The following DIS3L2 variants were observed in gnomAD, a reference collection of about 807,000 sequenced individuals.
DIS3L2 encodes DIS3-like exonuclease 2.
A neutral mutation model predicts 97.5 loss-of-function variants in DIS3L2; 34 were observed. The ratio of observed to expected loss-of-function variants is 0.35; its 90% CI spans 0.27 to 0.46. DIS3L2 has a LOEUF of 0.46. Ranked by LOEUF, DIS3L2 falls within the 20% of genes least tolerant of loss-of-function variation. The pLI, the probability that DIS3L2 is intolerant of heterozygous loss-of-function variation, is 1.00. For synonymous variants in DIS3L2, 435 were observed against 445.2 expected (o/e 0.98, Z 0.29); for missense variants, 1,038 against 1,146.0 (o/e 0.91, Z 1.36).
chr2:232,228,112 A>C (rs1268244014), intron 10 of DIS3L2, among the ~76,000 whole-genome samples: 1 of 152,054 alleles, frequency 6.6e-6, no homozygotes, highest in African/African-American at 2.4e-5. Flanking sequence ...GATTACAGGC[A>C]TGCACCACCA....
downstream of DIS3L2, chr2:232,339,809 T>A: frequency 2.3e-6 from 1 of 439,562 alleles, no homozygotes; most frequent in South Asian, 1.6e-5. Flanking sequence ...CTGCCCGGCA[T>A]AGAACTCCGT....
chr2:232,071,367 G>T (rs951355423), intron 5 of DIS3L2, among the ~76,000 whole-genome samples: 2 of 151,808 alleles, frequency 1.3e-5, no homozygotes, highest in African/African-American at 2.4e-5. Flanking sequence ...AAAAAATAAA[G>T]AAAAGGTAGC....
chr2:232,184,217 C>G (rs1311170991), intron 9 of DIS3L2, among the ~76,000 whole-genome samples: 1 of 152,188 alleles, frequency 6.6e-6, no homozygotes, highest in Non-Finnish European at 1.5e-5. Flanking sequence ...GAGGCCTCTA[C>G]TTTGCGAGTC....
At chr2:232,272,635 T>A (rs1694036970) in intron 13 of DIS3L2, among the ~76,000 whole-genome samples, 1 of 152,226 alleles carries the variant, frequency 6.6e-6, no homozygotes, top group East Asian at 1.9e-4. Context: ...TTATTCCATC[T>A]ATTACTGATA....
At chr2:232,005,631 C>G (rs1013315245) in intron 1 of DIS3L2, among the ~76,000 whole-genome samples, 2 of 152,186 alleles carry the variant, frequency 1.3e-5, no homozygotes, top group African/African-American at 4.8e-5. Context: ...GATTCCTACT[C>G]CTCCCAACAG....
chr2:232,161,477 C>T (rs1298682102), intron 8 of DIS3L2, among the ~76,000 whole-genome samples: 1 of 152,052 alleles, frequency 6.6e-6, no homozygotes, highest in Admixed American at 6.6e-5. Flanking sequence ...TACTTCCTTT[C>T]CTTTCTTTTT....
chr2:231,969,510 C>T (rs550955677), intron 1 of DIS3L2, among the ~76,000 whole-genome samples: 22 of 152,128 alleles, frequency 1.4e-4, no homozygotes, highest in African/African-American at 5.1e-4. Flanking sequence ...GGGGTTTCAC[C>T]ATGTTGGCCA....
At chr2:232,163,816 A>G (rs887233758) in intron 9 of DIS3L2, among the ~76,000 whole-genome samples, 184 bp downstream of exon 9, 1 of 152,222 alleles carries the variant, frequency 6.6e-6, no homozygotes, top group Admixed American at 6.5e-5. Context: ...CTACCTGTTT[A>G]TGTACAACCC....
At chr2:231,970,188 TC>T (rs1175158009) in intron 1 of DIS3L2, among the ~76,000 whole-genome samples, 11 of 152,262 alleles carry the variant, frequency 7.2e-5, no homozygotes, top group African/African-American at 2.4e-4. Flanking sequence ...GCACAAGCAG[TC>T]CTCCCACTGT....
In DIS3L2 at chr2:232,021,767, AC is replaced by A. The variant is rs1054972643; in HGVS notation, c.211-2509del. 3.9e-5 allele frequency among the ~76,000 whole-genome samples: 6 copies of A among 152,148 alleles called. 1 individual carries two copies. The highest frequency in any genetic ancestry group is 1.4e-4 in the African/African-American group (6 of 41,426). On this transcript the variant is annotated intron_variant, in intron 3 of 20. Transcript: ENST00000325385. ...TTTGAAAGAGAATGGAGGAAAAAAT[AC>A]TTTTAAAGTCATGATGGGGAAGCAA...
chr2:232,275,833 G>A (rs1470129102), intron 13 of DIS3L2, among the ~76,000 whole-genome samples: 3 of 152,128 alleles, frequency 2.0e-5, no homozygotes, highest in Non-Finnish European at 4.4e-5. Context: ...AGACGTAGAG[G>A]CAGATGGGAC....
At chr2:232,305,278 A>G (rs1022636947) in intron 14 of DIS3L2, among the ~76,000 whole-genome samples, 3 of 152,020 alleles carry the variant, frequency 2.0e-5, no homozygotes, top group African/African-American at 4.8e-5. Context: ...GGATTTCGCC[A>G]TGTTGGCCAG....
chr2:232,155,231 T>C (rs141213791), intron 8 of DIS3L2, among the ~76,000 whole-genome samples: 1 of 56,720 alleles, frequency 1.8e-5, no homozygotes, highest in African/African-American at 1.2e-4. Context: ...TCCTCCCCCC[T>C]CCTTAATTTT....
intron 13 of DIS3L2, among the ~76,000 whole-genome samples, chr2:232,264,223 A>G (rs1204479036): frequency 2.0e-5 from 3 of 152,138 alleles, no homozygotes; most frequent in Non-Finnish European, 4.4e-5. Flanking sequence ...GGTCATACTC[A>G]CTCACTGCTC....
chr2:232,336,654 C>CT lies in DIS3L2; in HGVS notation c.*25dup. ...GAGCTCCACCAGCCGCCTGCCCCGC[C>CT]TGCCCCGCCTGCCTGTCCCGCCACA... On this transcript the variant is annotated 3_prime_UTR_variant, in exon 21 of 21. Coordinates refer to ENST00000325385, the MANE Select transcript of DIS3L2 (RefSeq NM_152383.5). 1 of 1,541,516 alleles carries CT rather than the reference C, an allele frequency of 6.5e-7. No individual in the cohort carries two copies. Among genetic ancestry groups the CT allele is most frequent in the South Asian group, 1.2e-5 (1 of 84,004 alleles).
intron 1 of DIS3L2, among the ~76,000 whole-genome samples, chr2:231,995,193 C>T (rs1189306461): frequency 2.6e-5 from 4 of 152,094 alleles, no homozygotes; most frequent in African/African-American, 9.7e-5. Flanking sequence ...GACTGTCAAT[C>T]GTGATGGCTC....
chr2:232,005,907 G>T (rs1411590412), intron 1 of DIS3L2, among the ~76,000 whole-genome samples: 1 of 152,200 alleles, frequency 6.6e-6, no homozygotes, highest in Non-Finnish European at 1.5e-5. Context: ...GCACTTTATG[G>T]CTGGGCGCGG....
At position 232,006,836 on chromosome 2, in the gene DIS3L2, T is replaced by C. The variant is rs561276562; in HGVS notation, c.-93-7999T>C. ...GTGAAGAATTTGTATTACAAAGATATAGCTGGTCAGTGGCATCCTGCACAA... is the reference window on the plus strand; with the variant it reads ...GTGAAGAATTTGTATTACAAAGATACAGCTGGTCAGTGGCATCCTGCACAA... On this transcript the variant is annotated intron_variant, in intron 1 of 20. Coordinates refer to ENST00000325385, the MANE Select transcript of DIS3L2 (RefSeq NM_152383.5). Among the ~76,000 whole-genome samples the C allele has an allele frequency of 5.5e-5, 8 of 146,614 alleles. No individual in the cohort carries two copies. The South Asian group carries it at 1.7e-3, about 31-fold the overall frequency.
At chr2:232,289,101 C>T (rs1051249504) in intron 13 of DIS3L2, among the ~76,000 whole-genome samples, 1 of 152,066 alleles carries the variant, frequency 6.6e-6, no homozygotes, top group Non-Finnish European at 1.5e-5. Flanking sequence ...TTATCTCTTA[C>T]AACAAACCCC....
Sources: gnomAD v4.1 joint callset for allele counts (sites outside exome capture counted in the v4.1 genomes callset) on GRCh38, gnomAD v4.1.1 for gene constraint, MANE v1.5 for transcripts, NCBI Gene and HGNC (gene_info 2026-07-23, HGNC 2026-07-21) for gene names.